The following CACNA1S variants were observed in gnomAD, a reference collection of about 807,000 sequenced individuals.
CACNA1S encodes voltage-dependent L-type calcium channel subunit alpha-1S.
A neutral mutation model predicts 207.4 loss-of-function variants in CACNA1S; 126 were observed. The observed-to-expected ratio is 0.61, with a 90% CI of 0.53 to 0.70. The LOEUF (loss-of-function observed/expected upper bound fraction) is 0.70. Among genes scored for constraint, CACNA1S ranks in the 30% least tolerant of loss-of-function variants. The probability of loss-of-function intolerance (pLI) is 0.00; values close to 1 mark genes in which losing one functional copy is unlikely to be tolerated. For missense variants in CACNA1S, 2,349 were observed against 2,422.8 expected (o/e 0.97, Z 0.64); for synonymous variants, 960 against 932.7 (o/e 1.03, Z -0.53).
In CACNA1S at chr1:201,047,230, ACCT is replaced by A. The variant is rs766028027; in HGVS notation, c.4550_4552del (p.Glu1517del). On this transcript the variant is annotated inframe_deletion, in exon 38 of 44. Coordinates refer to ENST00000362061, the MANE Select transcript of CACNA1S (RefSeq NM_000069.3). ...TGTGGCGTAGAACTTCCCCACTGTC[ACCT>A]CATCATCTGCAGAGGAGCCAACAAG... 6.2e-7 allele frequency: 1 copy of A among 1,614,086 alleles called. No individual in the cohort carries two copies. Among genetic ancestry groups the A allele is most frequent in the South Asian group, 1.1e-5 (1 of 91,076 alleles).
At chr1:201,069,685 A>G (rs538202934) in intron 17 of CACNA1S, 84 bp from the exon 18 acceptor site, 39 of 1,483,732 alleles carry the variant, frequency 2.6e-5, no homozygotes, top group Non-Finnish European at 3.6e-5. Flanking sequence ...GCGGACGAAC[A>G]TGGAATACAC....
intron 5 of CACNA1S, among the ~76,000 whole-genome samples, chr1:201,091,163 T>C (rs1419009345): frequency 1.3e-5 from 2 of 152,168 alleles, no homozygotes; most frequent in Non-Finnish European, 2.9e-5. Context: ...ATATCTGGGC[T>C]TCAATGTAGG....
At position 201,093,896 on chromosome 1, in the gene CACNA1S, G is replaced by A. The variant is rs1662322419; in HGVS notation, c.384C>T (p.Thr128=). The change falls in exon 3 of 44, where the codon ACC becomes ACT. Residue 128 remains threonine, a synonymous_variant. Coordinates refer to ENST00000362061, the MANE Select transcript of CACNA1S (RefSeq NM_000069.3). ...CCAGCTCTCACCCCAGGAAGACAAT[G>A]GTGAAGTCCAGCACATTCCAGCCAC... ...LRSGWNVLDF[T]IVFLGVFTVI... 6.2e-7 allele frequency: 1 copy of A among 1,614,126 alleles called. No individual in the cohort carries two copies. Among genetic ancestry groups the A allele is most frequent in the Non-Finnish European group, 8.5e-7 (1 of 1,180,036 alleles).
intron 22 of CACNA1S, among the ~76,000 whole-genome samples, chr1:201,064,575 A>G (rs1661178759): frequency 6.6e-6 from 1 of 152,218 alleles, no homozygotes; most frequent in Non-Finnish European, 1.5e-5. Flanking sequence ...ATGCCATTTC[A>G]TGTCTAAGAC....
Position 201,051,039 on chromosome 1 carries a change from C to T in CACNA1S, c.4058G>A (p.Gly1353Asp). The T allele has an allele frequency of 6.2e-7, 1 of 1,614,200 alleles. No individual in the cohort carries two copies. Among genetic ancestry groups the T allele is most frequent in the Non-Finnish European group, 8.5e-7 (1 of 1,180,022 alleles). The change falls in exon 33 of 44, where the codon GGC (glycine) becomes GAC (aspartate). Residue 1353 changes from glycine to aspartate, a missense_variant. Physicochemically the swap from Gly to Asp is moderately conservative, Grantham distance 94. Transcript: ENST00000362061. Reference sequence around the variant, plus strand: ...GAAGTAGTAGTATGCAAAGTTGGTGCCACATGTGTACTCCTCCCCTGGGGC... The same window carrying T: ...GAAGTAGTAGTATGCAAAGTTGGTGTCACATGTGTACTCCTCCCCTGGGGC... ...DYAPGEEYTC[G>D]TNFAYYYFIS...
intron 2 of CACNA1S, among the ~76,000 whole-genome samples, chr1:201,104,829 G>A (rs1332993408): frequency 2.0e-5 from 3 of 152,184 alleles, no homozygotes; most frequent in African/African-American, 7.2e-5. Context: ...GGCCTAGGCT[G>A]GAATGGTAAC....
rs1558062212 is a variant in CACNA1S, at chr1:201,061,264, C to T, written c.3255+3G>A. On this transcript the variant is annotated splice_donor_region_variant and intron_variant, in intron 25 of 43. Coordinates refer to ENST00000362061, the MANE Select transcript of CACNA1S (RefSeq NM_000069.3). Reference sequence around the variant, plus strand: ...CTCCACCTCTGGCAGGCAGCCCAGGCACCTGGTTCTTGTCCAGCTCACAGT... The same window carrying T: ...CTCCACCTCTGGCAGGCAGCCCAGGTACCTGGTTCTTGTCCAGCTCACAGT... 1 of 1,613,978 alleles carries T rather than the reference C, an allele frequency of 6.2e-7. No homozygotes were observed. Among genetic ancestry groups the T allele is most frequent in the Non-Finnish European group, 8.5e-7 (1 of 1,179,852 alleles).
At position 201,053,485 on chromosome 1, in the gene CACNA1S, G is replaced by T; in HGVS notation, c.3769C>A (p.Leu1257Met). Residue 1257 changes from leucine to methionine, a missense_variant, in exon 30 of 44, where the codon CTG (leucine) becomes ATG (methionine). By Grantham distance (15) the Leu-to-Met change is conservative. Transcript: ENST00000362061. This position sits in a 1 kb window ranked among gnomAD's most constrained non-coding sequence, Gnocchi z 5.1. ...LSRAEGVRTL[L>M]WTFIKSFQAL... ...TGGAAGGACTTGATGAACGTCCACA[G>T]GAGGGTTCGCACTCCTTCTGCCCGG... 1 of 1,614,180 alleles carries T rather than the reference G, an allele frequency of 6.2e-7. No homozygotes were observed. The highest frequency in any genetic ancestry group is 8.5e-7 in the Non-Finnish European group (1 of 1,180,018).
rs147258775 is a variant in CACNA1S at position 201,080,685 on chromosome 1, C to A, written c.1393+2477G>T. Reference sequence around the variant, plus strand: ...GGGCTGCCAGCTTCCATTGATTGTACCTGATGACTCTTTCTCAGGGTGGCT... The same window carrying A: ...GGGCTGCCAGCTTCCATTGATTGTAACTGATGACTCTTTCTCAGGGTGGCT... On this transcript the variant is annotated intron_variant, in intron 10 of 43. Coordinates refer to ENST00000362061, the MANE Select transcript of CACNA1S (RefSeq NM_000069.3). Among the ~76,000 whole-genome samples the A allele has an allele frequency of 9.9e-5, 15 of 152,020 alleles. 1 individual carries two copies. Among genetic ancestry groups the A allele is most frequent in the African/African-American group, 3.6e-4 (15 of 41,376 alleles).
chr1:201,062,024 T>C lies in CACNA1S; in HGVS notation c.2973A>G (p.Val991=), dbSNP rs1484161841. 2 of 1,614,080 alleles carry C rather than the reference T, an allele frequency of 1.2e-6. No individual in the cohort carries two copies. The highest frequency in any genetic ancestry group is 1.3e-5 in the African/African-American group (1 of 74,948). The change falls in exon 24 of 44, where the codon GTA becomes GTG. Residue 991 remains valine, a synonymous_variant. Transcript: ENST00000362061. ...CATTGTCGAAGTGGAAGTCGCTGTG[T>C]ACCCACTCGCGGTGACGCAGCTCTA... ...MQIELRHREW[V]HSDFHFDNVL...
At chr1:201,108,031 C>A (rs1662961222) in intron 2 of CACNA1S, among the ~76,000 whole-genome samples, 1 of 152,068 alleles carries the variant, frequency 6.6e-6, no homozygotes, top group Non-Finnish European at 1.5e-5. Flanking sequence ...GAAAAACATA[C>A]ACAGGACCAC....
chr1:201,089,441 A>G lies in CACNA1S; in HGVS notation c.717T>C (p.Asn239=). 1 of 1,614,080 alleles carries G rather than the reference A, an allele frequency of 6.2e-7. No homozygotes were observed. The highest frequency in any genetic ancestry group is 8.5e-7 in the Non-Finnish European group (1 of 1,180,022). Residue 239 remains asparagine (N), a synonymous_variant, in exon 6 of 44, where the codon AAT becomes AAC. Coordinates refer to ENST00000362061, the MANE Select transcript of CACNA1S (RefSeq NM_000069.3). ...TCCTGGCGCAGGGCGATGGCTCTTC[A>G]TTCTCCACCGTGGCCACGATATCTG... is the stretch of plus-strand genomic sequence containing the variant. ...IGTDIVATVE[N]EEPSPCARTG... is the part of the protein sequence containing the mutation.
chr1:201,105,732 CAG>C (rs2102184185), intron 2 of CACNA1S, among the ~76,000 whole-genome samples: 1 of 152,290 alleles, frequency 6.6e-6, no homozygotes, highest in African/African-American at 2.4e-5. Context: ...ACAGAGCAGG[CAG>C]AGTCAGAGGT....
intron 2 of CACNA1S, among the ~76,000 whole-genome samples, chr1:201,108,423 C>T (rs1245070965): frequency 6.6e-6 from 1 of 152,108 alleles, no homozygotes; most frequent in Non-Finnish European, 1.5e-5. Context: ...TTAATATCCT[C>T]CAAGGTGGGG....
intron 2 of CACNA1S, among the ~76,000 whole-genome samples, chr1:201,097,897 C>T (rs991891282): frequency 1.3e-5 from 2 of 152,186 alleles, no homozygotes; most frequent in African/African-American, 4.8e-5. Context: ...AGGGCTTCTG[C>T]CCTTGCTGTT....
At chr1:201,041,916 C>A (rs1300382655) in intron 40 of CACNA1S, 4 of 414,370 alleles carry the variant, frequency 9.7e-6, no homozygotes, top group South Asian at 8.5e-5. Flanking sequence ...CACATAGGAT[C>A]ACCTGAGGAG....
At position 201,058,594 on chromosome 1, in the gene CACNA1S, C is replaced by T. The variant is rs141885423; in HGVS notation, c.3526-103G>A. 3.4e-5 allele frequency: 31 copies of T among 906,278 alleles called. No individual in the cohort carries two copies. The African/African-American group carries it at 3.4e-4, about 10-fold the overall frequency. The allele number at this position is 906,278 out of a possible 1,614,324, so 56.1% of individuals were successfully genotyped here. ...TCCCACCCGAGCTAATGCGGAGCTG[C>T]GGGTTAGGCCAAGGTGGGGTGCCCA... On this transcript the variant is annotated intron_variant, in intron 27 of 43. Transcript: ENST00000362061.
chr1:201,058,857 C>A (rs1660942321), intron 27 of CACNA1S, among the ~76,000 whole-genome samples: 1 of 152,180 alleles, frequency 6.6e-6, no homozygotes, highest in African/African-American at 2.4e-5. Flanking sequence ...GTGCTGGGAA[C>A]CATGGCAATG....
chr1:201,085,641 C>A (rs12137327), intron 7 of CACNA1S, 60 bp from the exon 8 acceptor site: 1 of 1,589,638 alleles, frequency 6.3e-7, no homozygotes, highest in East Asian at 2.2e-5. Flanking sequence ...CAAGGAAAGA[C>A]TGAGCTTCCT....
Sources: allele counts gnomAD v4.1 joint callset (sites outside exome capture counted in the v4.1 genomes callset), GRCh38; gene constraint gnomAD v4.1.1; non-coding constraint Gnocchi (gnomAD v3.1); transcripts MANE v1.5; gene names NCBI Gene and HGNC (gene_info 2026-07-23, HGNC 2026-07-21).